The following SLC8A1 variants were observed in gnomAD, a reference collection of about 807,000 sequenced individuals.
The protein encoded by SLC8A1 is solute carrier family 8 member A1, also known as sodium/calcium exchanger 1.
SLC8A1 carries 18 observed loss-of-function variants against 68.3 expected under a neutral mutation model. The ratio of observed to expected loss-of-function variants is 0.26; its 90% CI spans 0.18 to 0.39. The LOEUF (loss-of-function observed/expected upper bound fraction) is 0.39, where lower values mean the gene tolerates loss of function less well. Among genes scored for constraint, SLC8A1 ranks in the 10% least tolerant of loss-of-function variants. The probability of loss-of-function intolerance (pLI) is 1.00; values close to 1 mark genes in which losing one functional copy is unlikely to be tolerated. For synonymous variants in SLC8A1, 475 were observed against 415.5 expected, an observed-to-expected ratio of 1.14 and a Z score of -1.74; for missense variants, 985 against 1,156.7, an observed-to-expected ratio of 0.85 and a Z score of 2.15.
At chr2:40,350,363 C>T (rs987820779) in intron 2 of SLC8A1, among the ~76,000 whole-genome samples, 36 of 151,788 alleles carry the variant, frequency 2.4e-4, no homozygotes, top group South Asian at 6.2e-4. Flanking sequence ...GGCCTGTAGT[C>T]CCAGCTACTC....
rs1317276090 is a variant in SLC8A1 at position 40,472,631 on chromosome 2, G to A, written c.-25+39718C>T. 4.6e-5 allele frequency among the ~76,000 whole-genome samples: 7 copies of A among 152,134 alleles called. No homozygotes were observed. In the East Asian group the frequency reaches 1.2e-3, roughly 25 times the overall value. On this transcript the variant is annotated intron_variant, in intron 1 of 7. Coordinates refer to the SLC8A1 transcript ENST00000402441. ...AGTCCTTTTGCTTTGGCTTCCCAAA[G>A]TATTGGGATTATTGGTGGGAACTAC...
chr2:40,220,262 AAAT>A (rs1332256252), intron 2 of SLC8A1: 2 of 152,172 alleles, frequency 1.3e-5, no homozygotes, highest in African/African-American at 4.8e-5. Context: ...AAAAGAGAAA[AAAT>A]AAATTACAGC....
chr2:40,243,724 C>T (rs143412932), intron 2 of SLC8A1, among the ~76,000 whole-genome samples: 15 of 152,170 alleles, frequency 9.9e-5, no homozygotes, highest in Admixed American at 4.6e-4. Context: ...TGGATTGGTC[C>T]GTGCACTTGA....
chr2:40,306,460 G>GT (rs61681991), intron 2 of SLC8A1, among the ~76,000 whole-genome samples: 3 of 149,194 alleles, frequency 2.0e-5, no homozygotes, highest in Non-Finnish European at 3.0e-5. Flanking sequence ...TGTGGGGGGG[G>GT]GCATAGCGTG....
intron 1 of SLC8A1, among the ~76,000 whole-genome samples, chr2:40,435,015 G>C (rs1304440793): frequency 6.6e-6 from 1 of 152,138 alleles, no homozygotes. Flanking sequence ...GCTATAGCCA[G>C]TTTTGACTAC....
chr2:40,502,932 C>T (rs1274232562), intron 1 of SLC8A1, among the ~76,000 whole-genome samples: 5 of 151,868 alleles, frequency 3.3e-5, no homozygotes, highest in African/African-American at 7.3e-5. Flanking sequence ...CCTAAAAGCT[C>T]GAGCAATAGC....
At chr2:40,429,083 C>T (rs151142579) in exon 2 of SLC8A1, 16 of 1,612,932 alleles carry the variant, frequency 9.9e-6, no homozygotes, top group African/African-American at 1.3e-5. Flanking sequence ...TTTTCAGTCA[C>T]TTCAGTGTTG....
intron 1 of SLC8A1, among the ~76,000 whole-genome samples, chr2:40,486,357 T>C (rs1704966683): frequency 6.6e-6 from 1 of 152,212 alleles, no homozygotes; most frequent in South Asian, 2.1e-4. Context: ...AGAAATAATA[T>C]GCTGTGAAAG....
At chr2:40,249,641 T>C (rs112132353) in intron 2 of SLC8A1, among the ~76,000 whole-genome samples, 10 of 151,850 alleles carry the variant, frequency 6.6e-5, no homozygotes. Flanking sequence ...CTTTGTTTTT[T>C]GTAAATTGTA....
intron 5 of SLC8A1, among the ~76,000 whole-genome samples, chr2:40,161,380 G>T (rs2045656052): frequency 6.6e-6 from 1 of 152,142 alleles, no homozygotes; most frequent in African/African-American, 2.4e-5. Flanking sequence ...AAATGGATTT[G>T]TCTCTGGGTA....
In SLC8A1 at chr2:40,507,513, C is replaced by T. The variant is rs191364755; in HGVS notation, c.-25+4836G>A. On this transcript the variant is annotated intron_variant, in intron 1 of 7. Coordinates refer to the SLC8A1 transcript ENST00000402441. ...ATCTGAGAATAATAATATTATTTTG[C>T]TCTTACTCCTTGCCATAACACTACT... is the stretch of plus-strand genomic sequence containing the variant. Among the ~76,000 whole-genome samples, 15 of 152,066 alleles carry T rather than the reference C, an allele frequency of 9.9e-5. No homozygotes were observed. In the East Asian group the frequency reaches 2.5e-3, roughly 25 times the overall value.
chr2:40,256,817 G>C (rs896601458), intron 2 of SLC8A1, among the ~76,000 whole-genome samples: 1 of 152,104 alleles, frequency 6.6e-6, no homozygotes, highest in Admixed American at 6.5e-5. Flanking sequence ...CACAGGGTTG[G>C]GGATGCTGAG....
chr2:40,115,753 G>C, intron 7 of SLC8A1, 124 bp from the exon 11 acceptor site: 1 of 1,272,788 alleles, frequency 7.9e-7, no homozygotes, highest in Non-Finnish European at 1.1e-6. Flanking sequence ...CCAAGAAATG[G>C]CTTTGATGTT....
intron 6 of SLC8A1, among the ~76,000 whole-genome samples, chr2:40,156,074 T>C (rs1051808446): frequency 6.6e-6 from 1 of 152,198 alleles, no homozygotes; most frequent in African/African-American, 2.4e-5. Context: ...AAGTGAAGTG[T>C]ATGCTGCTAT....
At chr2:40,275,241 C>T (rs990274923) in intron 2 of SLC8A1, among the ~76,000 whole-genome samples, 7 of 152,138 alleles carry the variant, frequency 4.6e-5, no homozygotes, top group African/African-American at 1.7e-4. Flanking sequence ...AGGTAAGTAA[C>T]TAATTATGAC....
At position 40,175,283 on chromosome 2, in the gene SLC8A1, T is replaced by C. The variant is rs756520852; in HGVS notation, c.1913-441A>G. The C allele has an allele frequency of 2.1e-5, 34 of 1,612,858 alleles. No individual in the cohort carries two copies. The highest frequency in any genetic ancestry group is 2.6e-5 in the Non-Finnish European group (31 of 1,179,298). On this transcript the variant is annotated intron_variant, in intron 3 of 7. Coordinates refer to ENST00000406785, the Ensembl canonical transcript of SLC8A1. ...TACCAAGCTCATTCAATAACAGGGC[T>C]GTGAAGGAAACAGACAAAGACAAAC...
intron 1 of SLC8A1, among the ~76,000 whole-genome samples, chr2:40,493,969 C>T (rs1705509942): frequency 6.6e-6 from 1 of 151,408 alleles, no homozygotes; most frequent in South Asian, 2.1e-4. Context: ...TTCTCCTTCA[C>T]TTGACATCAT....
chr2:40,229,502 G>A (rs907401071), intron 2 of SLC8A1, among the ~76,000 whole-genome samples: 1 of 152,004 alleles, frequency 6.6e-6, no homozygotes, highest in African/African-American at 2.4e-5. Context: ...TGTGTTATCT[G>A]TGCAGCTGCA....
intron 3 of SLC8A1, among the ~76,000 whole-genome samples, chr2:40,176,519 T>TTAAA (rs1308815312): frequency 6.6e-6 from 1 of 152,174 alleles, no homozygotes; most frequent in African/African-American, 2.4e-5. Context: ...ATGGAGCATA[T>TTAAA]TAAATAGGCT....
Sources: gnomAD v4.1 joint callset for allele counts (sites outside exome capture counted in the v4.1 genomes callset) on GRCh38, gnomAD v4.1.1 for gene constraint, MANE v1.5 for transcripts, NCBI Gene and HGNC (gene_info 2026-07-23, HGNC 2026-07-21) for gene names.